Variants in SLIT3 observed in about 807,000 individuals in gnomAD.
SLIT3 encodes slit homolog 3 protein.
Under a neutral mutation model 184.0 loss-of-function variants are expected in SLIT3, and 68 were observed. That is an observed-to-expected ratio of 0.37 (90% CI 0.30 to 0.45). The LOEUF (loss-of-function observed/expected upper bound fraction) is 0.45, where lower values mean the gene tolerates loss of function less well. SLIT3 is among the 20% of genes least tolerant of loss of function. The probability of loss-of-function intolerance (pLI) is 1.00; values close to 1 mark genes in which losing one functional copy is unlikely to be tolerated. For synonymous variants in SLIT3, 831 were observed against 828.6 expected (o/e 1.00, Z -0.05); for missense variants, 1,707 against 2,026.0 (o/e 0.84, Z 3.02).
At chr5:168,680,604 A>G (rs2113209876) in intron 32 of SLIT3, among the ~76,000 whole-genome samples, 1 of 152,220 alleles carries the variant, frequency 6.6e-6, no homozygotes, top group South Asian at 2.1e-4. Flanking sequence ...GGGTGGCTAG[A>G]GGTTATTGTA....
intron 35 of SLIT3, 55 bp downstream of exon 35, chr5:168,669,728 G>T (rs1761175513): frequency 7.0e-7 from 1 of 1,426,256 alleles, no homozygotes; most frequent in Non-Finnish European, 9.8e-7. Context: ...TGATCTGGAT[G>T]TGAAGTCCAA....
At chr5:169,114,579 A>G (rs1482019475) in intron 4 of SLIT3, among the ~76,000 whole-genome samples, 2 of 152,196 alleles carry the variant, frequency 1.3e-5, no homozygotes, top group African/African-American at 2.4e-5. Flanking sequence ...GCAGTACACC[A>G]TAGGGCCAGG....
At chr5:168,903,838 T>C (rs1211307413) in intron 4 of SLIT3, among the ~76,000 whole-genome samples, 1 of 152,160 alleles carries the variant, frequency 6.6e-6, no homozygotes, top group Non-Finnish European at 1.5e-5. Flanking sequence ...AATAACCAAA[T>C]GTAGAATTGT....
chr5:168,666,330 C>A lies in SLIT3; in HGVS notation c.*124G>T. On this transcript the variant is annotated 3_prime_UTR_variant, in exon 36 of 36. Transcript: ENST00000519560. ...TTTATTTTACAATATACTTAATATTCTCTTCTTCTTTACCTTCCTCTCCAG... is the reference window on the plus strand; with the variant it reads ...TTTATTTTACAATATACTTAATATTATCTTCTTCTTTACCTTCCTCTCCAG... 5 of 892,978 alleles carry A rather than the reference C, an allele frequency of 5.6e-6. No individual in the cohort carries two copies. In the South Asian group the frequency reaches 7.4e-5, roughly 13 times the overall value. 55.3% of individuals were successfully genotyped at this position (892,978 alleles called of 1,614,324 possible). A position where few individuals can be genotyped will look rare whatever the true frequency, so the allele number is the denominator to read the frequency against.
chr5:169,299,288 T>A (rs1473442779), intron 1 of SLIT3, among the ~76,000 whole-genome samples: 1 of 152,122 alleles, frequency 6.6e-6, no homozygotes, highest in African/African-American at 2.4e-5. Flanking sequence ...CTGCTGAGTC[T>A]CCACCCAGAG....
intron 4 of SLIT3, among the ~76,000 whole-genome samples, chr5:169,006,143 T>C (rs1282204602): frequency 6.6e-6 from 1 of 152,166 alleles, no homozygotes; most frequent in Non-Finnish European, 1.5e-5. Context: ...TAATGCCTGG[T>C]CCCCAAGGCC....
At chr5:169,290,342 G>A (rs1767307402) in intron 1 of SLIT3, among the ~76,000 whole-genome samples, 1 of 150,858 alleles carries the variant, frequency 6.6e-6, no homozygotes, top group Admixed American at 6.6e-5. Flanking sequence ...CATACACTGG[G>A]GCATATGCTA....
At chr5:169,192,423 CTGTGTGTG>C (rs3038088) in intron 4 of SLIT3, among the ~76,000 whole-genome samples, 1,766 of 148,272 alleles carry the variant, frequency 0.012, 15 homozygotes, top group Non-Finnish European at 0.017. Flanking sequence ...TATATAGTCT[CTGTGTGTG>C]TGTGTGTGTG....
chr5:168,817,027 G>A (rs984379797), intron 8 of SLIT3, among the ~76,000 whole-genome samples: 10 of 150,278 alleles, frequency 6.7e-5, no homozygotes, highest in African/African-American at 1.2e-4. Context: ...ACAAATGTTC[G>A]GTTTCTAGTA....
intron 32 of SLIT3, among the ~76,000 whole-genome samples, chr5:168,683,380 A>AT (rs1554131816): frequency 1.8e-4 from 28 of 151,678 alleles, no homozygotes; most frequent in Admixed American, 3.3e-4. Flanking sequence ...AAAAAAAAAA[A>AT]AAAAAGAAAA....
At chr5:169,238,094 A>G (rs932248203) in intron 3 of SLIT3, among the ~76,000 whole-genome samples, 5 of 152,200 alleles carry the variant, frequency 3.3e-5, no homozygotes, top group South Asian at 4.1e-4. Context: ...CACAAATATC[A>G]TGCTGTCTGG....
chr5:169,222,305 T>C (rs938633063), intron 3 of SLIT3, among the ~76,000 whole-genome samples: 3 of 152,128 alleles, frequency 2.0e-5, no homozygotes, highest in Admixed American at 6.5e-5. Context: ...GTATCTAACA[T>C]ACATCACCAA....
At chr5:168,932,629 T>C (rs1006097808) in intron 4 of SLIT3, among the ~76,000 whole-genome samples, 1 of 152,096 alleles carries the variant, frequency 6.6e-6, no homozygotes, top group East Asian at 1.9e-4. Flanking sequence ...GGGCAGCCAA[T>C]GGATTAGGAA....
intron 32 of SLIT3, among the ~76,000 whole-genome samples, chr5:168,683,043 T>C (rs1761636445): frequency 6.6e-6 from 1 of 152,154 alleles, no homozygotes; most frequent in Non-Finnish European, 1.5e-5. Flanking sequence ...CCCCAGATGT[T>C]CATTCCTTAA....
At chr5:169,063,197 C>T (rs1292968180) in intron 4 of SLIT3, among the ~76,000 whole-genome samples, 2 of 152,148 alleles carry the variant, frequency 1.3e-5, no homozygotes, top group Non-Finnish European at 2.9e-5. Flanking sequence ...CCATGACTGG[C>T]CTTAATGCCG....
chr5:169,203,307 T>C (rs1487745065), intron 3 of SLIT3, among the ~76,000 whole-genome samples: 1 of 151,606 alleles, frequency 6.6e-6, no homozygotes, highest in East Asian at 1.9e-4. Context: ...AGAAAACATA[T>C]CTAGGGTGGA....
intron 4 of SLIT3, among the ~76,000 whole-genome samples, chr5:169,072,179 G>C (rs983700246): frequency 6.6e-6 from 1 of 152,152 alleles, no homozygotes; most frequent in Non-Finnish European, 1.5e-5. Flanking sequence ...GGTGGTGATG[G>C]TGGTAGTGTC....
intron 1 of SLIT3, among the ~76,000 whole-genome samples, chr5:169,257,098 G>C (rs1210151406): frequency 6.6e-6 from 1 of 152,180 alleles, no homozygotes; most frequent in Non-Finnish European, 1.5e-5. Context: ...TGAGCATACA[G>C]ATAGATTACA....
At chr5:169,177,423 T>C (rs746561637) in intron 4 of SLIT3, among the ~76,000 whole-genome samples, 1 of 152,240 alleles carries the variant, frequency 6.6e-6, no homozygotes, top group Non-Finnish European at 1.5e-5. Context: ...AAGTCCCTCA[T>C]GCTGAGCGGG....
Sources: gnomAD v4.1 joint callset for allele counts (sites outside exome capture counted in the v4.1 genomes callset) on GRCh38, gnomAD v4.1.1 for gene constraint, MANE v1.5 for transcripts, NCBI Gene and HGNC (gene_info 2026-07-23, HGNC 2026-07-21) for gene names.